Variants in FOXP2 observed in about 807,000 individuals in gnomAD.
FOXP2 encodes forkhead box P2.
In FOXP2, 12 loss-of-function variants were observed where a neutral mutation model predicts 115.8. That is an observed-to-expected ratio of 0.10 (90% CI 0.07 to 0.17). The LOEUF (loss-of-function observed/expected upper bound fraction) is 0.17, where lower values mean the gene tolerates loss of function less well. Among genes scored for constraint, FOXP2 ranks in the 10% least tolerant of loss-of-function variants. The pLI is 1.00. For missense variants in FOXP2, 629 were observed against 843.5 expected (o/e 0.75, Z 3.15); for synonymous variants, 328 against 297.7 (o/e 1.10, Z -1.05).
In FOXP2 at chr7:114,572,244, C is replaced by CAA. The variant is rs60230251; in HGVS notation, c.258+37547_258+37548dup. Among the ~76,000 whole-genome samples, 242 of 145,748 alleles carry CAA rather than the reference C, an allele frequency of 1.7e-3. 2 individuals carry two copies. Among genetic ancestry groups the CAA allele is most frequent in the African/African-American group, 5.2e-3 (210 of 40,072 alleles). Reference sequence around the variant, plus strand: ...CCTATTCTATAGAAATGGTAAATGTCAAAAAAAAAAGAAATAATGAATGTC... The same window carrying CAA: ...CCTATTCTATAGAAATGGTAAATGTCAAAAAAAAAAAAGAAATAATGAATGTC... On this transcript the variant is annotated intron_variant, in intron 3 of 16. Coordinates refer to ENST00000350908, the MANE Select transcript of FOXP2 (RefSeq NM_014491.4).
chr7:114,180,468 T>C (rs181526629), intron 1 of FOXP2, among the ~76,000 whole-genome samples: 88 of 152,080 alleles, frequency 5.8e-4, no homozygotes, highest in African/African-American at 2.1e-3. Flanking sequence ...TACTTTTGTG[T>C]CTCTAGCTCA....
intron 1 of FOXP2, among the ~76,000 whole-genome samples, chr7:114,130,293 A>G (rs948729226): frequency 2.6e-5 from 4 of 152,256 alleles, no homozygotes; most frequent in African/African-American, 9.6e-5. Context: ...ACTGCACTGC[A>G]GCCTCAGCGA....
intron 2 of FOXP2, among the ~76,000 whole-genome samples, chr7:114,492,142 G>T (rs1797091048): frequency 6.6e-6 from 1 of 152,132 alleles, no homozygotes; most frequent in Admixed American, 6.5e-5. Context: ...AGTCTTGGGA[G>T]GGTGTATGTG....
At chr7:114,234,961 G>A (rs1032190942) in intron 1 of FOXP2, among the ~76,000 whole-genome samples, 1 of 152,154 alleles carries the variant, frequency 6.6e-6, no homozygotes, top group Non-Finnish European at 1.5e-5. Flanking sequence ...CTTGAGGTTA[G>A]GTTTAGCCCC....
intron 2 of FOXP2, among the ~76,000 whole-genome samples, chr7:114,354,619 T>C (rs529909519): frequency 6.6e-6 from 1 of 152,056 alleles, no homozygotes; most frequent in Non-Finnish European, 1.5e-5. Context: ...TCTCTCTGGA[T>C]CCTGAAAATG....
chr7:114,653,552 A>T (rs1423055509), intron 9 of FOXP2: 1 of 331,280 alleles, frequency 3.0e-6, no homozygotes, highest in African/African-American at 2.2e-5. Context: ...AGAACCCTTC[A>T]CCCCTTCACA....
intron 2 of FOXP2, among the ~76,000 whole-genome samples, chr7:114,449,964 GA>G (rs928241559): frequency 5.8e-4 from 88 of 151,880 alleles, no homozygotes; most frequent in Non-Finnish European, 5.6e-4. Context: ...ACATATACAT[GA>G]CATCCAGGTA....
intron 4 of FOXP2, 28 bp downstream of exon 4, chr7:114,628,705 C>G (rs750342181): frequency 1.2e-6 from 2 of 1,613,624 alleles, no homozygotes; most frequent in African/African-American, 1.3e-5. Context: ...CTTTGGTGTT[C>G]TAGCATGACT....
chr7:114,689,727 A>G (rs1156811697), intron 16 of FOXP2, 55 bp from the exon 17 acceptor site: 1 of 1,606,242 alleles, frequency 6.2e-7, no homozygotes, highest in East Asian at 2.2e-5. Flanking sequence ...AAAGTTGGCC[A>G]AACTCTGTTT....
At chr7:114,523,846 G>T (rs1798741787) in intron 2 of FOXP2, among the ~76,000 whole-genome samples, 1 of 152,082 alleles carries the variant, frequency 6.6e-6, no homozygotes, top group Admixed American at 6.6e-5. Flanking sequence ...ATATAGATAA[G>T]ATGGCTTTAT....
intron 1 of FOXP2, among the ~76,000 whole-genome samples, chr7:114,099,038 G>A (rs1416705305): frequency 1.3e-5 from 2 of 152,094 alleles, no homozygotes; most frequent in African/African-American, 2.4e-5. Context: ...AGGAGGCTGG[G>A]GTGGGAGGAT....
intron 8 of FOXP2, among the ~76,000 whole-genome samples, chr7:114,647,135 A>G (rs1264214419): frequency 6.6e-6 from 1 of 151,964 alleles, no homozygotes; most frequent in African/African-American, 2.4e-5. Context: ...CTTTAATTTG[A>G]TATCAGATAA....
intron 16 of FOXP2, among the ~76,000 whole-genome samples, chr7:114,679,309 C>T (rs1563075462): frequency 6.6e-6 from 1 of 152,256 alleles, no homozygotes; most frequent in East Asian, 1.9e-4. Flanking sequence ...CTTTTTACTC[C>T]ACAATCTATA....
intron 6 of FOXP2, among the ~76,000 whole-genome samples, chr7:114,634,608 A>AT (rs1805112595): frequency 6.6e-6 from 1 of 152,022 alleles, no homozygotes; most frequent in Non-Finnish European, 1.5e-5. Flanking sequence ...ATACAGACAG[A>AT]TGATAGATAT....
rs1443908357 is a variant in FOXP2 at position 114,692,414 on chromosome 7, T to C, written c.*2488T>C. 6.7e-6 allele frequency: 3 copies of C among 450,538 alleles called. No homozygotes were observed. The highest frequency in any genetic ancestry group is 3.2e-5 in the South Asian group (2 of 63,430). The allele number at this position is 450,538 out of a possible 1,614,324, so 27.9% of individuals were successfully genotyped here. On this transcript the variant is annotated 3_prime_UTR_variant, in exon 17 of 17. Transcript: ENST00000350908. ...TCCAAAACTGCAATTGCTTTGAAAA[T>C]AGATTTTAGGTTTTTTGGAGTTTCC... is the stretch of plus-strand genomic sequence containing the variant.
At chr7:114,135,942 T>C (rs1180315387) in intron 1 of FOXP2, among the ~76,000 whole-genome samples, 2 of 152,146 alleles carry the variant, frequency 1.3e-5, no homozygotes, top group African/African-American at 2.4e-5. Flanking sequence ...TACGTAATTA[T>C]GTTTTTTTCA....
chr7:114,402,854 G>T (rs1454602139), intron 2 of FOXP2, among the ~76,000 whole-genome samples: 1 of 151,990 alleles, frequency 6.6e-6, no homozygotes, highest in Non-Finnish European at 1.5e-5. Flanking sequence ...TCCAAGGCTG[G>T]TCTCAAACTC....
chr7:114,203,318 A>C (rs1426514219), intron 1 of FOXP2, among the ~76,000 whole-genome samples: 1 of 152,050 alleles, frequency 6.6e-6, no homozygotes, highest in Non-Finnish European at 1.5e-5. Flanking sequence ...ATTACAGATC[A>C]GTTTACATCT....
intron 3 of FOXP2, among the ~76,000 whole-genome samples, chr7:114,600,055 T>C (rs568593455): frequency 1.4e-4 from 21 of 152,276 alleles, no homozygotes; most frequent in Admixed American, 9.8e-4. Flanking sequence ...GTGGTTTACA[T>C]TGGATTCACT....
Sources: gnomAD v4.1 joint callset for allele counts (sites outside exome capture counted in the v4.1 genomes callset) on GRCh38, gnomAD v4.1.1 for gene constraint, MANE v1.5 for transcripts, NCBI Gene and HGNC (gene_info 2026-07-23, HGNC 2026-07-21) for gene names.